PCSK2: variants seen among roughly 807,000 people sequenced by gnomAD.
The protein encoded by PCSK2 is neuroendocrine convertase 2.
Under a neutral mutation model 69.7 loss-of-function variants are expected in PCSK2, and 14 were observed. The observed-to-expected ratio is 0.20, with a 90% CI of 0.13 to 0.31. PCSK2 has a LOEUF of 0.31. Ranked by LOEUF, PCSK2 falls within the 10% of genes least tolerant of loss-of-function variation. The pLI, the probability that PCSK2 is intolerant of heterozygous loss-of-function variation, is 1.00. For missense variants in PCSK2, 544 were observed against 842.5 expected (o/e 0.65, Z 4.39); for synonymous variants, 307 against 320.7 (o/e 0.96, Z 0.46).
intron 2 of PCSK2, among the ~76,000 whole-genome samples, chr20:17,281,038 A>G (rs1173297765): frequency 1.3e-5 from 2 of 152,122 alleles, no homozygotes; most frequent in Non-Finnish European, 2.9e-5. Flanking sequence ...TTTTTCCTGG[A>G]GACTTCTTTC....
intron 1 of PCSK2, among the ~76,000 whole-genome samples, chr20:17,247,880 T>C (rs1986824582): frequency 6.6e-6 from 1 of 152,020 alleles, no homozygotes; most frequent in Non-Finnish European, 1.5e-5. Context: ...GAAAATGGAG[T>C]GTGTGGGTTC....
At chr20:17,341,975 T>C (rs1990522371) in intron 2 of PCSK2, among the ~76,000 whole-genome samples, 1 of 152,360 alleles carries the variant, frequency 6.6e-6, no homozygotes, top group Non-Finnish European at 1.5e-5. Context: ...GTGAGAACCA[T>C]GTGTTCCCAA....
Position 17,465,414 on chromosome 20 carries a change from C to T in PCSK2, c.1291C>T (p.Arg431Cys), listed in dbSNP as rs550032490. Residue 431 changes from arginine to cysteine, a missense_variant, in exon 11 of 12, where the codon CGC becomes TGC. Physicochemically the swap from Arg to Cys is radical, Grantham distance 180. Transcript: ENST00000262545. ...QLHDEVHQWR[R>C]NGVGLEFNHL... is the part of the protein sequence containing the mutation. ...TCACGACGAGGTCCATCAGTGGCGG[C>T]GCAATGGGGTCGGCCTGGAATTTAA... is the stretch of plus-strand genomic sequence containing the variant. The T allele has an allele frequency of 8.1e-6, 13 of 1,614,076 alleles. No individual in the cohort carries two copies. Among genetic ancestry groups the T allele is most frequent in the East Asian group, 2.2e-5 (1 of 44,880 alleles).
intron 6 of PCSK2, among the ~76,000 whole-genome samples, chr20:17,421,334 C>T (rs1326137511): frequency 2.0e-5 from 3 of 152,170 alleles, no homozygotes; most frequent in Admixed American, 1.3e-4. Context: ...TGCTCATTCT[C>T]ACCTGTCACC....
chr20:17,440,162 C>T (rs1210905648), intron 8 of PCSK2, among the ~76,000 whole-genome samples: 1 of 152,186 alleles, frequency 6.6e-6, no homozygotes, highest in Non-Finnish European at 1.5e-5. Context: ...GTCTCCATTC[C>T]TCACTTTTTG....
intron 5 of PCSK2, among the ~76,000 whole-genome samples, chr20:17,405,041 G>A (rs1017744436): frequency 1.3e-5 from 2 of 152,206 alleles, no homozygotes; most frequent in Admixed American, 1.3e-4. Flanking sequence ...GACACAACAG[G>A]AGAAGTCAGG....
At chr20:17,456,676 G>A (rs151169683) in intron 10 of PCSK2, among the ~76,000 whole-genome samples, 1 of 152,202 alleles carries the variant, frequency 6.6e-6, no homozygotes, top group Admixed American at 6.5e-5. Flanking sequence ...ATTCCTGGGA[G>A]CACACAACAC....
intron 5 of PCSK2, among the ~76,000 whole-genome samples, chr20:17,406,164 G>A (rs1374368855): frequency 2.0e-5 from 3 of 152,160 alleles, no homozygotes; most frequent in African/African-American, 7.2e-5. Flanking sequence ...GACTCCAGTA[G>A]CATTCAAGGC....
At chr20:17,243,793 G>A (rs1986672860) in intron 1 of PCSK2, among the ~76,000 whole-genome samples, 1 of 151,978 alleles carries the variant, frequency 6.6e-6, no homozygotes, top group Non-Finnish European at 1.5e-5. Flanking sequence ...GAAAGCAGAT[G>A]ATCCCAATTG....
At position 17,341,418 on chromosome 20, in the gene PCSK2, G is replaced by A. The variant is rs1196835303; in HGVS notation, c.283-16909G>A. Reference sequence around the variant, plus strand: ...ATTTATAGCTCCCGAAGTGAAGCGGGCCGCCCCCAGTATCTACCTCCTTTC... The same window carrying A: ...ATTTATAGCTCCCGAAGTGAAGCGGACCGCCCCCAGTATCTACCTCCTTTC... On this transcript the variant is annotated intron_variant, in intron 2 of 11. Transcript: ENST00000262545. Among the ~76,000 whole-genome samples, 3 of 152,170 alleles carry A rather than the reference G, an allele frequency of 2.0e-5. No individual in the cohort carries two copies. The East Asian group carries it at 5.8e-4, about 29-fold the overall frequency.
chr20:17,454,243 G>C (rs2032879570), intron 9 of PCSK2, among the ~76,000 whole-genome samples: 1 of 152,286 alleles, frequency 6.6e-6, no homozygotes, highest in East Asian at 1.9e-4. Flanking sequence ...ATGAAGTCTG[G>C]TTTACCAATC....
chr20:17,348,995 T>C (rs1416511114), intron 2 of PCSK2, among the ~76,000 whole-genome samples: 1 of 152,178 alleles, frequency 6.6e-6, no homozygotes, highest in Non-Finnish European at 1.5e-5. Flanking sequence ...ACTTGGTGTC[T>C]TCATGCCTTC....
chr20:17,451,396 A>G (rs1327238300), intron 8 of PCSK2, among the ~76,000 whole-genome samples: 1 of 152,146 alleles, frequency 6.6e-6, no homozygotes, highest in Non-Finnish European at 1.5e-5. Context: ...TGAGTTAGAG[A>G]CTGACGGATC....
chr20:17,251,963 C>A (rs966879885), intron 1 of PCSK2, among the ~76,000 whole-genome samples: 1 of 152,220 alleles, frequency 6.6e-6, no homozygotes, highest in Non-Finnish European at 1.5e-5. Context: ...CAAAGCACTA[C>A]ACATGCTTCT....
intron 8 of PCSK2, among the ~76,000 whole-genome samples, chr20:17,450,317 C>T (rs953923515): frequency 1.3e-5 from 2 of 152,102 alleles, no homozygotes; most frequent in East Asian, 3.9e-4. Flanking sequence ...CATGAGACAC[C>T]GCGCCCGGCT....
chr20:17,418,824 G>T (rs1050768495), intron 6 of PCSK2, among the ~76,000 whole-genome samples: 2 of 152,192 alleles, frequency 1.3e-5, no homozygotes, highest in Non-Finnish European at 2.9e-5. Flanking sequence ...CTTGAGAAAG[G>T]CTGGTGTCAG....
intron 2 of PCSK2, among the ~76,000 whole-genome samples, chr20:17,327,412 C>T (rs2123144593): frequency 2.0e-5 from 3 of 152,274 alleles, no homozygotes; most frequent in South Asian, 4.2e-4. Flanking sequence ...CGAGGGCGCC[C>T]GGCCTAACTG....
chr20:17,454,772 G>A (rs894579589), intron 9 of PCSK2, among the ~76,000 whole-genome samples: 2 of 152,154 alleles, frequency 1.3e-5, no homozygotes, highest in Non-Finnish European at 2.9e-5. Context: ...TCTCCACTGA[G>A]GCTTCTTGAG....
At chr20:17,325,549 A>T (rs1212599860) in intron 2 of PCSK2, among the ~76,000 whole-genome samples, 1 of 152,234 alleles carries the variant, frequency 6.6e-6, no homozygotes, top group Non-Finnish European at 1.5e-5. Flanking sequence ...ACTCAATGGT[A>T]GGTCATATCT....
Sources: gnomAD v4.1 joint callset for allele counts (sites outside exome capture counted in the v4.1 genomes callset) on GRCh38, gnomAD v4.1.1 for gene constraint, MANE v1.5 for transcripts, NCBI Gene and HGNC (gene_info 2026-07-23, HGNC 2026-07-21) for gene names.